The following DPYSL2 variants were observed in gnomAD, a reference collection of about 807,000 sequenced individuals.
DPYSL2 encodes the protein dihydropyrimidinase-related protein 2.
A neutral mutation model predicts 69.9 loss-of-function variants in DPYSL2; 13 were observed. That is an observed-to-expected ratio of 0.19 (90% CI 0.12 to 0.30). The LOEUF is 0.30. Ranked by LOEUF, DPYSL2 falls within the 10% of genes least tolerant of loss-of-function variation. The pLI is 1.00. For synonymous variants in DPYSL2, 326 were observed against 359.1 expected (o/e 0.91, Z 1.04); for missense variants, 587 against 918.9 (o/e 0.64, Z 4.67).
Position 26,514,589 on chromosome 8 carries a change from C to T in DPYSL2, c.264C>T (p.Arg88=). The T allele has an allele frequency of 6.6e-7, 1 of 1,513,276 alleles. No homozygotes were observed. Among genetic ancestry groups the T allele is most frequent in the Non-Finnish European group, 8.8e-7 (1 of 1,137,152 alleles). 93.7% of individuals were successfully genotyped at this position (1,513,276 alleles called of 1,614,324 possible). Residue 88 remains arginine, a synonymous_variant, in exon 1 of 14, where the codon CGC becomes CGT. Transcript: ENST00000521913. This position sits in a 1 kb window ranked among gnomAD's most constrained non-coding sequence, Gnocchi z 8.4. ...CGCCGTACTCGCGGCAGGGCCGGCG[C>T]GCCGGCGGAGAGCCATCTGTTGAAT... ...PQPPYSRQGR[R]AGGEPSVESG... is the part of the protein sequence containing the mutation.
At chr8:26,578,087 C>A (rs751830127) in intron 1 of DPYSL2, 17 of 1,497,914 alleles carry the variant, frequency 1.1e-5, no homozygotes, top group Non-Finnish European at 1.5e-5. Flanking sequence ...TTGCATTCAT[C>A]CGTTACGTTC....
In DPYSL2 at chr8:26,538,009, T is replaced by A. The variant is rs1208567269; in HGVS notation, c.354+23330T>A. Among the ~76,000 whole-genome samples the A allele has an allele frequency of 2.0e-5, 3 of 152,330 alleles. No homozygotes were observed. In the East Asian group the frequency reaches 5.8e-4, roughly 29 times the overall value. On this transcript the variant is annotated intron_variant, in intron 1 of 13. Transcript: ENST00000521913. ...CTCTCAGTTTGGAATCATCCGATGTTGCTTCATGATTTATACATTTTTGTC... is the reference window on the plus strand; with the variant it reads ...CTCTCAGTTTGGAATCATCCGATGTAGCTTCATGATTTATACATTTTTGTC...
At chr8:26,600,816 A>G (rs1801974721) in intron 3 of DPYSL2, among the ~76,000 whole-genome samples, 1 of 151,998 alleles carries the variant, frequency 6.6e-6, no homozygotes, top group Non-Finnish European at 1.5e-5. Context: ...TGAGCCTGGC[A>G]CCGCTCCTCG....
In DPYSL2 at chr8:26,582,554, A is replaced by G. The variant is rs977794528; in HGVS notation, c.443+497A>G. On this transcript the variant is annotated intron_variant, in intron 2 of 13. Coordinates refer to ENST00000521913, the MANE Select transcript of DPYSL2 (RefSeq NM_001197293.3). The surrounding 1 kb of genome is among the most constrained non-coding windows in gnomAD (Gnocchi z 4.1). Reference sequence around the variant, plus strand: ...AAATTACTGCCTAAATCCTGAGGGAATTTTAGGTTTTATTCTAAGTGGCAA... The same window carrying G: ...AAATTACTGCCTAAATCCTGAGGGAGTTTTAGGTTTTATTCTAAGTGGCAA... Among the ~76,000 whole-genome samples, 3 of 152,180 alleles carry G rather than the reference A, an allele frequency of 2.0e-5. No homozygotes were observed. The highest frequency in any genetic ancestry group is 4.4e-5 in the Non-Finnish European group (3 of 68,018).
At position 26,618,799 on chromosome 8, in the gene DPYSL2, A is replaced by T. The variant is rs1254498812; in HGVS notation, c.629-5344A>T. Among the ~76,000 whole-genome samples the T allele has an allele frequency of 1.3e-3, 198 of 149,874 alleles. 1 individual carries two copies. The highest frequency in any genetic ancestry group is 4.7e-3 in the African/African-American group (191 of 40,630). ...CTACCAAAAAAAAAAAAAAAAAAAA[A>T]ATACAAAAATTAGCCGGGCATGATG... On this transcript the variant is annotated intron_variant, in intron 3 of 13. Coordinates refer to ENST00000521913, the MANE Select transcript of DPYSL2 (RefSeq NM_001197293.3).
rs1801649544 is a variant in DPYSL2 at position 26,588,319 on chromosome 8, C to G, written c.628+4336C>G. Among the ~76,000 whole-genome samples the G allele has an allele frequency of 6.6e-6, 1 of 152,208 alleles. No homozygotes were observed. Among genetic ancestry groups the G allele is most frequent in the South Asian group, 2.1e-4 (1 of 4,834 alleles). On this transcript the variant is annotated intron_variant, in intron 3 of 13. Coordinates refer to ENST00000521913, the MANE Select transcript of DPYSL2 (RefSeq NM_001197293.3). This position sits in a 1 kb window ranked among gnomAD's most constrained non-coding sequence, Gnocchi z 5.4. ...TGTGTGTTGCTTCTGGGGGCGGCAT[C>G]TTGAAACATTACACTTCCTGGGTCC...
chr8:26,583,548 G>A lies in DPYSL2; in HGVS notation c.444-251G>A, dbSNP rs934816016. Among the ~76,000 whole-genome samples the A allele has an allele frequency of 3.9e-5, 6 of 152,218 alleles. 1 individual carries two copies. The highest frequency in any genetic ancestry group is 3.9e-4 in the Admixed American group (6 of 15,294). On this transcript the variant is annotated intron_variant, in intron 2 of 13. Transcript: ENST00000521913. ...CCTTGTTATCATTTGATCTTAGGGG[G>A]TTTCTTGGGAACAAAACGTCTTTGA... is the stretch of plus-strand genomic sequence containing the variant.
At chr8:26,535,637 T>A (rs12679207) in intron 1 of DPYSL2, among the ~76,000 whole-genome samples, 45,325 of 143,460 alleles carry the variant, frequency 0.32, 8,030 homozygotes, top group East Asian at 0.53. Context: ...ATATATATAT[T>A]TTTTTTTTCA....
chr8:26,572,282 C>T (rs1330875166), intron 1 of DPYSL2, among the ~76,000 whole-genome samples: 12 of 152,220 alleles, frequency 7.9e-5, no homozygotes, highest in Non-Finnish European at 1.0e-4. Flanking sequence ...GGAGGGAACA[C>T]GTTCCGGGCA....
intron 7 of DPYSL2, among the ~76,000 whole-genome samples, chr8:26,630,517 G>A (rs569746096): frequency 1.3e-5 from 2 of 152,302 alleles, no homozygotes; most frequent in South Asian, 2.1e-4. Flanking sequence ...CCTTCATTTA[G>A]TGCTCACGTG....
At chr8:26,548,085 G>T in intron 1 of DPYSL2, 1 of 230,422 alleles carries the variant, frequency 4.3e-6, no homozygotes. Context: ...CCCCAAGATT[G>T]AGGATGGACA....
chr8:26,525,305 C>T (rs551252341), intron 1 of DPYSL2, among the ~76,000 whole-genome samples: 1 of 152,178 alleles, frequency 6.6e-6, no homozygotes, highest in African/African-American at 2.4e-5. Context: ...ACTGCAGCCT[C>T]GACCTCCTAG....
intron 7 of DPYSL2, among the ~76,000 whole-genome samples, chr8:26,629,060 G>T (rs1013173243): frequency 2.6e-5 from 4 of 152,186 alleles, no homozygotes; most frequent in African/African-American, 9.7e-5. Context: ...GCTGGAAGAG[G>T]AGAAAGGAGT....
At chr8:26,578,438 T>C in intron 1 of DPYSL2, 1 of 1,514,582 alleles carries the variant, frequency 6.6e-7, no homozygotes, top group Non-Finnish European at 8.8e-7. Flanking sequence ...ATGGTGATGG[T>C]GGTGGTGGTT....
At chr8:26,543,645 G>A (rs974110433) in intron 1 of DPYSL2, among the ~76,000 whole-genome samples, 1 of 152,044 alleles carries the variant, frequency 6.6e-6, no homozygotes, top group Admixed American at 6.6e-5. Context: ...GTGCCACCAC[G>A]CCCAGCTAAT....
At chr8:26,628,346 G>A (rs1244300675) in intron 7 of DPYSL2, among the ~76,000 whole-genome samples, 1 of 152,210 alleles carries the variant, frequency 6.6e-6, no homozygotes, top group Non-Finnish European at 1.5e-5. Context: ...AAGGCGTGTG[G>A]GGAATTGTTT....
intron 1 of DPYSL2, among the ~76,000 whole-genome samples, chr8:26,521,118 G>A (rs1362915014): frequency 2.6e-5 from 4 of 152,178 alleles, no homozygotes; most frequent in Non-Finnish European, 2.9e-5. Context: ...ATCAATAAAA[G>A]CATTGGCAGG....
Position 26,514,957 on chromosome 8 carries a change from G to T in DPYSL2, c.354+278G>T, listed in dbSNP as rs1348977257. Among the ~76,000 whole-genome samples, 1 of 152,236 alleles carries T rather than the reference G, an allele frequency of 6.6e-6. No individual in the cohort carries two copies. The highest frequency in any genetic ancestry group is 1.5e-5 in the Non-Finnish European group (1 of 68,030). ...GAATGGGCTGATCCCCTGCTGGGGC[G>T]GGCGGTGGTCGTCTGGGAGGGGGTT... On this transcript the variant is annotated intron_variant, in intron 1 of 13. Coordinates refer to ENST00000521913, the MANE Select transcript of DPYSL2 (RefSeq NM_001197293.3). This position sits in a 1 kb window ranked among gnomAD's most constrained non-coding sequence, Gnocchi z 8.4.
chr8:26,569,764 A>G (rs1801209562), intron 1 of DPYSL2, among the ~76,000 whole-genome samples: 1 of 152,306 alleles, frequency 6.6e-6, no homozygotes, highest in Non-Finnish European at 1.5e-5. Flanking sequence ...GGCCTCCCTG[A>G]AGCAGGGATG....
Sources: allele counts gnomAD v4.1 joint callset (sites outside exome capture counted in the v4.1 genomes callset), GRCh38; gene constraint gnomAD v4.1.1; non-coding constraint Gnocchi (gnomAD v3.1); transcripts MANE v1.5; gene names NCBI Gene and HGNC (gene_info 2026-07-23, HGNC 2026-07-21).